SERGEF: variants seen among roughly 807,000 people sequenced by gnomAD.
The protein encoded by SERGEF is secretion-regulating guanine nucleotide exchange factor.
In SERGEF, 51 loss-of-function variants were observed where a neutral mutation model predicts 50.0. That is an observed-to-expected ratio of 1.02 (90% CI 0.81 to 1.29). The LOEUF (loss-of-function observed/expected upper bound fraction) is 1.29. Among genes scored for constraint, SERGEF ranks in the 50% most tolerant of loss-of-function variants. The pLI is 0.00. For missense variants in SERGEF, 521 were observed against 557.0 expected, an observed-to-expected ratio of 0.94 and a Z score of 0.65; for synonymous variants, 205 against 212.4, an observed-to-expected ratio of 0.97 and a Z score of 0.30.
At chr11:17,967,221 G>A (rs1292061482) in intron 8 of SERGEF, among the ~76,000 whole-genome samples, 1 of 152,330 alleles carries the variant, frequency 6.6e-6, no homozygotes, top group Middle Eastern at 3.4e-3. Context: ...AGCTAGGATG[G>A]GACCCAGGGG....
intron 9 of SERGEF, among the ~76,000 whole-genome samples, chr11:17,938,881 A>C (rs1852505837): frequency 6.6e-6 from 1 of 152,220 alleles, no homozygotes; most frequent in Non-Finnish European, 1.5e-5. Context: ...GGGTATCAGA[A>C]GAGGCTGGAG....
rs573135592 is a variant in SERGEF at position 17,867,103 on chromosome 11, C to T, written c.1048+11105G>A. On this transcript the variant is annotated intron_variant, in intron 10 of 10. Coordinates refer to ENST00000265965, the MANE Select transcript of SERGEF (RefSeq NM_012139.4). ...AATCTCATGTCCTCACATTTCAAAA[C>T]CAATCATGTTTTCTTAACAGTGTCC... Among the ~76,000 whole-genome samples the T allele has an allele frequency of 3.3e-5, 5 of 152,342 alleles. No homozygotes were observed. The South Asian group carries it at 1.0e-3, about 32-fold the overall frequency.
intron 8 of SERGEF, among the ~76,000 whole-genome samples, chr11:17,961,354 C>A (rs1420533333): frequency 6.6e-6 from 1 of 152,192 alleles, no homozygotes; most frequent in Non-Finnish European, 1.5e-5. Flanking sequence ...GTCCCTCTAC[C>A]TGAGCTGGCT....
chr11:17,865,191 T>C (rs1240175209), intron 10 of SERGEF, among the ~76,000 whole-genome samples: 1 of 152,218 alleles, frequency 6.6e-6, no homozygotes, highest in African/African-American at 2.4e-5. Context: ...GATAATGTTG[T>C]AACACAACAC....
chr11:17,998,542 GTGTGTA>G (rs1465949182), intron 5 of SERGEF, among the ~76,000 whole-genome samples: 1 of 139,932 alleles, frequency 7.1e-6, no homozygotes, highest in African/African-American at 2.6e-5. Flanking sequence ...GTGTGTGTGT[GTGTGTA>G]TGTGTATGTG....
intron 8 of SERGEF, among the ~76,000 whole-genome samples, chr11:17,988,239 C>G (rs1301496586): frequency 1.3e-5 from 2 of 152,192 alleles, no homozygotes; most frequent in Non-Finnish European, 2.9e-5. Flanking sequence ...TTAACATTTT[C>G]TGATGCTTTT....
At chr11:17,826,957 GA>G (rs1314610866) in intron 10 of SERGEF, among the ~76,000 whole-genome samples, 1 of 152,266 alleles carries the variant, frequency 6.6e-6, no homozygotes, top group Non-Finnish European at 1.5e-5. Context: ...CACACAGCTA[GA>G]AAGTGGTGAA....
intron 9 of SERGEF, among the ~76,000 whole-genome samples, chr11:17,890,446 G>C (rs922806640): frequency 2.6e-5 from 4 of 151,682 alleles, no homozygotes; most frequent in African/African-American, 9.7e-5. Flanking sequence ...AAGTAGGGCT[G>C]TGTGTGTGTG....
In SERGEF at chr11:17,995,796, C is replaced by A. The variant is rs1264319929; in HGVS notation, c.622G>T (p.Gly208Cys). The part of the protein sequence containing the change: ...FTAKEPSRVT[G>C]LENSKAMCVL... ...AGGACTAAAGAAAGAAGCATCTTAC[C>A]TGTCACTCTGCTTGGTTCCTTTGCT... is the stretch of plus-strand genomic sequence containing the variant. Residue 208 changes from glycine to cysteine, a missense_variant and splice_region_variant, in exon 6 of 11, where the codon GGT (glycine) becomes TGT (cysteine). Transcript: ENST00000265965. 6.2e-7 allele frequency: 1 copy of A among 1,600,724 alleles called. No individual in the cohort carries two copies. Among genetic ancestry groups the A allele is most frequent in the African/African-American group, 1.3e-5 (1 of 74,670 alleles).
intron 9 of SERGEF, among the ~76,000 whole-genome samples, chr11:17,928,779 T>C (rs751177505): frequency 2.6e-5 from 4 of 151,678 alleles, no homozygotes; most frequent in Non-Finnish European, 5.9e-5. Context: ...GATTTAAACC[T>C]GAAAAAAAAA....
chr11:17,861,635 C>G (rs1330710017), intron 10 of SERGEF, among the ~76,000 whole-genome samples: 1 of 152,254 alleles, frequency 6.6e-6, no homozygotes, highest in Non-Finnish European at 1.5e-5. Context: ...CCTACTGACA[C>G]ATGCATGCGT....
chr11:17,996,464 T>A (rs1009930110), intron 5 of SERGEF, among the ~76,000 whole-genome samples: 36 of 152,334 alleles, frequency 2.4e-4, no homozygotes, highest in African/African-American at 7.0e-4. Context: ...AAATACATAT[T>A]TATGACTGCA....
At chr11:17,917,774 T>C (rs1852076763) in intron 9 of SERGEF, among the ~76,000 whole-genome samples, 1 of 152,142 alleles carries the variant, frequency 6.6e-6, no homozygotes, top group South Asian at 2.1e-4. Flanking sequence ...ATAGGAATGC[T>C]GGAAATGCAG....
intron 10 of SERGEF, among the ~76,000 whole-genome samples, chr11:17,851,588 G>A (rs1026149249): frequency 6.6e-6 from 1 of 152,148 alleles, no homozygotes; most frequent in African/African-American, 2.4e-5. Flanking sequence ...AGTATTTACT[G>A]CTGTGCTCCC....
intron 10 of SERGEF, among the ~76,000 whole-genome samples, chr11:17,865,293 T>C (rs1323853091): frequency 1.3e-5 from 2 of 152,258 alleles, no homozygotes; most frequent in Admixed American, 6.5e-5. Flanking sequence ...ATGTACAGTA[T>C]GTAATAATAC....
intron 9 of SERGEF, among the ~76,000 whole-genome samples, chr11:17,928,601 G>C (rs769348853): frequency 1.3e-5 from 2 of 152,032 alleles, no homozygotes; most frequent in Non-Finnish European, 2.9e-5. Context: ...TGTTTTATGA[G>C]TGAATGAATG....
intron 9 of SERGEF, among the ~76,000 whole-genome samples, chr11:17,947,379 T>C (rs1165803398): frequency 6.6e-6 from 1 of 152,244 alleles, no homozygotes; most frequent in African/African-American, 2.4e-5. Flanking sequence ...TTCCCGCCAC[T>C]GTAAACAGAA....
intron 9 of SERGEF, among the ~76,000 whole-genome samples, chr11:17,924,739 A>G (rs571034421): frequency 6.6e-6 from 1 of 152,300 alleles, no homozygotes; most frequent in South Asian, 2.1e-4. Flanking sequence ...GAAGTTAGGT[A>G]GAAACTGAGT....
intron 10 of SERGEF, chr11:17,855,027 GC>G (rs1419390554): frequency 6.6e-6 from 1 of 152,204 alleles, no homozygotes; most frequent in African/African-American, 2.4e-5. Flanking sequence ...CTAGGAAGGA[GC>G]AGAGCTGAGT....
Sources: allele counts gnomAD v4.1 joint callset (sites outside exome capture counted in the v4.1 genomes callset), GRCh38; gene constraint gnomAD v4.1.1; transcripts MANE v1.5; gene names NCBI Gene and HGNC (gene_info 2026-07-23, HGNC 2026-07-21).